Variants in NBN observed in about 807,000 individuals in gnomAD.
The protein encoded by NBN is Nijmegen breakage syndrome 1 (nibrin).
Under a neutral mutation model 90.8 loss-of-function variants are expected in NBN, and 88 were observed. The observed-to-expected ratio is 0.97, with a 90% CI of 0.82 to 1.16. NBN has a LOEUF of 1.16. NBN is among the 50% of genes most tolerant of loss of function. NBN has a pLI of 0.00. For missense variants in NBN, 894 were observed against 869.6 expected (o/e 1.03, Z -0.35); for synonymous variants, 328 against 295.1 (o/e 1.11, Z -1.14).
intron 14 of NBN, among the ~76,000 whole-genome samples, chr8:89,939,623 T>G (rs1309431299): frequency 1.5e-4 from 23 of 152,204 alleles, no homozygotes; most frequent in Non-Finnish European, 2.9e-5. Flanking sequence ...TGCAGCTGAT[T>G]CCTAATACTG....
intron 4 of NBN, among the ~76,000 whole-genome samples, chr8:89,979,636 A>G (rs1037572930): frequency 6.6e-6 from 1 of 151,918 alleles, no homozygotes; most frequent in African/African-American, 2.4e-5. Flanking sequence ...AGCTAACTGT[A>G]CTTTCAGAAA....
chr8:89,980,496 T>C (rs1342796055), intron 4 of NBN, among the ~76,000 whole-genome samples: 1 of 152,058 alleles, frequency 6.6e-6, no homozygotes, highest in Non-Finnish European at 1.5e-5. Context: ...CTTTTTAAAA[T>C]GCTAAACAAA....
intron 11 of NBN, among the ~76,000 whole-genome samples, chr8:89,951,142 C>T (rs183370714): frequency 6.6e-6 from 1 of 151,910 alleles, no homozygotes; most frequent in African/African-American, 2.4e-5. Context: ...GAAACCCCAT[C>T]TCTACTATAA....
chr8:89,981,232 C>T (rs1374659080), intron 3 of NBN, 143 bp downstream of exon 3: 7 of 876,056 alleles, frequency 8.0e-6, no homozygotes, highest in Admixed American at 6.7e-5. Flanking sequence ...ATGCACTCAC[C>T]ACCCATGGCA....
chr8:89,944,071 T>C (rs552321392), intron 13 of NBN, among the ~76,000 whole-genome samples: 1 of 152,224 alleles, frequency 6.6e-6, no homozygotes, highest in South Asian at 2.1e-4. Flanking sequence ...AAAAACGCTA[T>C]GTCATTGATT....
At chr8:89,974,337 G>GA (rs904392137) in intron 5 of NBN, among the ~76,000 whole-genome samples, 1 of 141,042 alleles carries the variant, frequency 7.1e-6, no homozygotes, top group African/African-American at 2.7e-5. Context: ...TCCATATCCT[G>GA]AAAAAAATTA....
rs1376752932 is a variant in NBN at position 89,934,031 on chromosome 8, A to C, written c.*1551T>G. ...TCTCATTCATTATATTCATAAATTG[A>C]CAAATATAAAAACTGCTATAGTAGG... On this transcript the variant is annotated 3_prime_UTR_variant, in exon 16 of 16. Coordinates refer to ENST00000265433, the MANE Select transcript of NBN (RefSeq NM_002485.5). 4.3e-6 allele frequency: 1 copy of C among 230,538 alleles called. No individual in the cohort carries two copies. Among genetic ancestry groups the C allele is most frequent in the East Asian group, 6.2e-5 (1 of 16,110 alleles). 14.3% of individuals were successfully genotyped at this position (230,538 alleles called of 1,614,324 possible). A position where few individuals can be genotyped will look rare whatever the true frequency, so the allele number is the denominator to read the frequency against.
At chr8:89,972,451 T>C (rs867979530) in intron 5 of NBN, among the ~76,000 whole-genome samples, 2 of 152,260 alleles carry the variant, frequency 1.3e-5, no homozygotes, top group African/African-American at 2.4e-5. Flanking sequence ...GCGTTAGTTA[T>C]GGTTTTTCTA....
At position 89,971,276 on chromosome 8, in the gene NBN, AGAGGTGGG is replaced by A. The variant is rs1811507320; in HGVS notation, c.591_598del (p.Pro198Ter). On this transcript the variant is annotated frameshift_variant, in exon 6 of 16. Transcript: ENST00000265433. LOFTEE classifies it high-confidence loss of function. ...TTTACTTCCAATAGATGGTTCATCA[AGAGGTGGG>A]TAAAAACTGTAAAAATAATTAAAGT... The A allele has an allele frequency of 1.2e-6, 2 of 1,612,338 alleles. No homozygotes were observed. Among genetic ancestry groups the A allele is most frequent in the Admixed American group, 3.3e-5 (2 of 59,988 alleles).
intron 5 of NBN, 154 bp from the exon 6 acceptor site, chr8:89,971,444 C>A: frequency 1.9e-6 from 1 of 532,304 alleles, no homozygotes; most frequent in Non-Finnish European, 2.4e-6. Flanking sequence ...GACAAAATGA[C>A]AAAAAGCATC....
At chr8:89,937,500 A>G (rs909298652) in intron 14 of NBN, among the ~76,000 whole-genome samples, 2 of 152,210 alleles carry the variant, frequency 1.3e-5, no homozygotes, top group Admixed American at 6.5e-5. Flanking sequence ...GTCCCACATC[A>G]GGGCTTAGAA....
At position 89,934,808 on chromosome 8, in the gene NBN, C is replaced by G. The variant is rs895061394; in HGVS notation, c.*774G>C. Reference sequence around the variant, plus strand: ...AGGTAGAAAAAGAAAACAATCTCACCATTTCTACTTTATAAGTAGGAAAAC... The same window carrying G: ...AGGTAGAAAAAGAAAACAATCTCACGATTTCTACTTTATAAGTAGGAAAAC... On this transcript the variant is annotated 3_prime_UTR_variant, in exon 16 of 16. Transcript: ENST00000265433. The G allele has an allele frequency of 1.3e-5, 3 of 232,894 alleles. No homozygotes were observed. Among genetic ancestry groups the G allele is most frequent in the Non-Finnish European group, 2.5e-5 (3 of 117,926 alleles). The allele number at this position is 232,894 out of a possible 1,614,324, so 14.4% of individuals were successfully genotyped here.
intron 5 of NBN, among the ~76,000 whole-genome samples, chr8:89,977,054 A>G (rs1220706216): frequency 6.6e-6 from 1 of 150,968 alleles, no homozygotes; most frequent in Admixed American, 6.6e-5. Flanking sequence ...AACATTTAAA[A>G]TTTTTTTTTT....
intron 5 of NBN, among the ~76,000 whole-genome samples, chr8:89,977,072 CTTT>C (rs1811793626): frequency 1.3e-5 from 2 of 151,862 alleles, no homozygotes; most frequent in Non-Finnish European, 2.9e-5. Flanking sequence ...TTTAATGTTA[CTTT>C]AAGTTCTGGG....
intron 14 of NBN, among the ~76,000 whole-genome samples, chr8:89,937,761 C>T (rs1292693575): frequency 1.3e-5 from 2 of 152,164 alleles, no homozygotes; most frequent in African/African-American, 4.8e-5. Flanking sequence ...ATTTTACTTT[C>T]CTAATCACTT....
At chr8:89,968,981 A>C (rs1811379704) in intron 7 of NBN, among the ~76,000 whole-genome samples, 1 of 152,214 alleles carries the variant, frequency 6.6e-6, no homozygotes, top group South Asian at 2.1e-4. Flanking sequence ...TATTTATAGG[A>C]TAGATGACTA....
chr8:89,944,819 C>T (rs1810115606), intron 13 of NBN, among the ~76,000 whole-genome samples: 1 of 152,040 alleles, frequency 6.6e-6, no homozygotes, highest in African/African-American at 2.4e-5. Context: ...GGGTTCAAGC[C>T]ATCCACCTGC....
In NBN at chr8:89,978,263, G is replaced by A. The variant is rs1060504930; in HGVS notation, c.541C>T (p.Leu181=). The change falls in exon 5 of 16, where the codon CTG becomes TTG. Residue 181 remains leucine (L), a synonymous_variant. Coordinates refer to ENST00000265433, the MANE Select transcript of NBN (RefSeq NM_002485.5). ...IVKPEYFTEF[L]KAVESKKQPP... ...TGCTTCTTGGACTCAACTGCTTTCA[G>A]GAATTCAGTAAAATATTCTGGCTTT... 1.9e-6 allele frequency: 3 copies of A among 1,604,410 alleles called. No individual in the cohort carries two copies. The highest frequency in any genetic ancestry group is 2.6e-6 in the Non-Finnish European group (3 of 1,171,480).
chr8:89,948,032 C>T, intron 11 of NBN, 140 bp from the exon 12 acceptor site: 1 of 520,708 alleles, frequency 1.9e-6, no homozygotes, highest in Non-Finnish European at 3.4e-6. Context: ...TATGTATGAC[C>T]AGGCATTTGG....
Sources: allele counts gnomAD v4.1 joint callset (sites outside exome capture counted in the v4.1 genomes callset), GRCh38; gene constraint gnomAD v4.1.1; transcripts MANE v1.5; gene names NCBI Gene and HGNC (gene_info 2026-07-23, HGNC 2026-07-21).